The following SHISA9 variants were observed in gnomAD, a reference collection of about 807,000 sequenced individuals.
SHISA9 encodes the protein protein shisa-9.
Under a neutral mutation model 38.0 loss-of-function variants are expected in SHISA9, and 13 were observed. The ratio of observed to expected loss-of-function variants is 0.34; its 90% CI spans 0.22 to 0.54. SHISA9 has a LOEUF of 0.54. SHISA9 is among the 20% of genes least tolerant of loss of function. The pLI is 0.91. For missense variants in SHISA9, 538 were observed against 575.8 expected, an observed-to-expected ratio of 0.93 and a Z score of 0.67; for synonymous variants, 275 against 242.0, an observed-to-expected ratio of 1.14 and a Z score of -1.27.
chr16:13,549,794 G>A, the SHISA9 span, among the ~76,000 whole-genome samples: 1 of 152,116 alleles, frequency 6.6e-6, no homozygotes, highest in African/African-American at 2.4e-5. Context: ...GGCAGCCGAG[G>A]TGGGCAGATC....
chr16:13,335,432 C>A, the SHISA9 span, among the ~76,000 whole-genome samples: 1 of 152,108 alleles, frequency 6.6e-6, no homozygotes, highest in Non-Finnish European at 1.5e-5. Context: ...TCCCCTACCC[C>A]CCTTTAAAGG....
At chr16:13,544,674 G>C in the SHISA9 span, among the ~76,000 whole-genome samples, 1 of 152,084 alleles carries the variant, frequency 6.6e-6, no homozygotes, top group African/African-American at 2.4e-5. Context: ...CAGGTGCAGT[G>C]TCTCACACCT....
the SHISA9 span, among the ~76,000 whole-genome samples, chr16:13,383,938 AGCCACCGT>A: frequency 6.6e-6 from 1 of 152,172 alleles, no homozygotes; most frequent in Non-Finnish European, 1.5e-5. Flanking sequence ...TACAGACGTG[AGCCACCGT>A]GCCCGGCCAA....
At chr16:13,272,201 T>A in the SHISA9 span, among the ~76,000 whole-genome samples, 1 of 152,078 alleles carries the variant, frequency 6.6e-6, no homozygotes, top group Admixed American at 6.6e-5. Flanking sequence ...TTTCATAATA[T>A]GTAAAATACA....
At chr16:13,559,691 AT>A in the SHISA9 span, among the ~76,000 whole-genome samples, 1 of 152,104 alleles carries the variant, frequency 6.6e-6, no homozygotes, top group South Asian at 2.1e-4. Flanking sequence ...CTGAGCATGG[AT>A]TTCTTAAGCC....
At chr16:13,328,852 G>A in the SHISA9 span, among the ~76,000 whole-genome samples, 1 of 152,292 alleles carries the variant, frequency 6.6e-6, no homozygotes, top group South Asian at 2.1e-4. Context: ...CAGATAGTGA[G>A]AATACAGAAG....
At chr16:13,060,435 G>A (rs1027565462) in intron 2 of SHISA9, among the ~76,000 whole-genome samples, 1 of 152,050 alleles carries the variant, frequency 6.6e-6, no homozygotes, top group Admixed American at 6.5e-5. Context: ...TCTTCTCTGA[G>A]AAATGGGCAG....
chr16:13,035,647 C>G (rs2073049592), intron 2 of SHISA9, among the ~76,000 whole-genome samples: 1 of 152,090 alleles, frequency 6.6e-6, no homozygotes, highest in Non-Finnish European at 1.5e-5. Flanking sequence ...TCTCCTGTCT[C>G]AGCCTCTCAA....
intron 2 of SHISA9, among the ~76,000 whole-genome samples, chr16:13,121,685 C>T (rs986532881): frequency 3.3e-5 from 5 of 152,092 alleles, no homozygotes; most frequent in African/African-American, 4.8e-5. Context: ...CACCAAACTG[C>T]ATCAATGCTA....
the SHISA9 span, among the ~76,000 whole-genome samples, chr16:13,440,847 G>A: frequency 6.6e-6 from 1 of 151,928 alleles, no homozygotes; most frequent in Non-Finnish European, 1.5e-5. Flanking sequence ...GTTTGAACCC[G>A]GGAGGCAGAG....
chr16:13,344,073 C>T, the SHISA9 span, among the ~76,000 whole-genome samples: 7 of 152,314 alleles, frequency 4.6e-5, no homozygotes, highest in Non-Finnish European at 7.3e-5. Context: ...CAACCCATGA[C>T]GGTCTGTTGG....
chr16:13,513,600 TGATA>T, the SHISA9 span, among the ~76,000 whole-genome samples: 2 of 152,180 alleles, frequency 1.3e-5, no homozygotes, highest in Non-Finnish European at 2.9e-5. Context: ...TGCCCATCAG[TGATA>T]GACTGGATAA....
intron 2 of SHISA9, among the ~76,000 whole-genome samples, chr16:13,133,443 T>A (rs2050322327): frequency 6.6e-6 from 1 of 152,208 alleles, no homozygotes; most frequent in South Asian, 2.1e-4. Context: ...GGTGTCTTTA[T>A]CAATTCAGGT....
the SHISA9 span, among the ~76,000 whole-genome samples, chr16:13,547,376 T>G: frequency 6.6e-6 from 1 of 152,130 alleles, no homozygotes; most frequent in African/African-American, 2.4e-5. Context: ...TAAGAAGAGA[T>G]TTATCATGGG....
chr16:13,052,981 T>TTTTTTTA (rs1194756614), intron 2 of SHISA9, among the ~76,000 whole-genome samples: 1 of 146,520 alleles, frequency 6.8e-6, no homozygotes, highest in Non-Finnish European at 1.5e-5. Context: ...TTTTTTTTTT[T>TTTTTTTA]GAGGCAGAGT....
At chr16:13,526,977 TAAG>T in the SHISA9 span, among the ~76,000 whole-genome samples, 35,137 of 151,908 alleles carry the variant, frequency 0.23, 4,483 homozygotes, top group East Asian at 0.52. Flanking sequence ...ATTTTAGTTC[TAAG>T]AAGAAGGAAA....
intron 2 of SHISA9, among the ~76,000 whole-genome samples, chr16:12,996,092 T>A (rs1027515895): frequency 6.6e-6 from 1 of 152,230 alleles, no homozygotes; most frequent in Non-Finnish European, 1.5e-5. Flanking sequence ...CACGTGCCTC[T>A]TTTTATCTGT....
the SHISA9 span, chr16:13,258,291 C>G: frequency 2.0e-5 from 3 of 152,174 alleles, no homozygotes; most frequent in Non-Finnish European, 4.4e-5. Flanking sequence ...GGTATGGTCA[C>G]AGCCATTTGT....
At chr16:12,961,579 G>A (rs776215894) in intron 2 of SHISA9, among the ~76,000 whole-genome samples, 1 of 152,072 alleles carries the variant, frequency 6.6e-6, no homozygotes, top group South Asian at 2.1e-4. Flanking sequence ...AGAGCACCCC[G>A]GCCAAAACTG....
Sources: allele counts gnomAD v4.1 joint callset (sites outside exome capture counted in the v4.1 genomes callset), GRCh38; gene constraint gnomAD v4.1.1; transcripts MANE v1.5; gene names NCBI Gene and HGNC (gene_info 2026-07-23, HGNC 2026-07-21).